BAZ2B: variants seen among roughly 807,000 people sequenced by gnomAD.
BAZ2B encodes bromodomain adjacent to zinc finger domain 2B.
In BAZ2B, 91 loss-of-function variants were observed where a neutral mutation model predicts 246.0. The ratio of observed to expected loss-of-function variants is 0.37; its 90% confidence interval spans 0.31 to 0.44. The LOEUF is 0.44. Ranked by LOEUF, BAZ2B falls within the 20% of genes least tolerant of loss-of-function variation. The probability of loss-of-function intolerance (pLI) is 1.00; values close to 1 mark genes in which losing one functional copy is unlikely to be tolerated. For synonymous variants in BAZ2B, 855 were observed against 860.0 expected (o/e 0.99, Z 0.10); for missense variants, 2,332 against 2,533.7 (o/e 0.92, Z 1.71).
intron 16 of BAZ2B, among the ~76,000 whole-genome samples, chr2:159,403,719 G>T (rs944303840): frequency 1.3e-5 from 2 of 152,110 alleles, no homozygotes; most frequent in Non-Finnish European, 1.5e-5. Context: ...AGTACACTGT[G>T]TAGTTGGATG....
At chr2:159,449,146 T>A (rs892912755) in intron 4 of BAZ2B, among the ~76,000 whole-genome samples, 1 of 152,178 alleles carries the variant, frequency 6.6e-6, no homozygotes, top group Non-Finnish European at 1.5e-5. Flanking sequence ...TGACCAGTGG[T>A]AGAAAATCAT....
At chr2:159,452,409 A>T (rs146524054) in intron 4 of BAZ2B, among the ~76,000 whole-genome samples, 23 of 152,344 alleles carry the variant, frequency 1.5e-4, no homozygotes, top group African/African-American at 5.3e-4. Context: ...AGAACCCTGT[A>T]AGTCAGATAC....
chr2:159,351,934 A>G (rs1317537335), intron 27 of BAZ2B, among the ~76,000 whole-genome samples: 1 of 152,226 alleles, frequency 6.6e-6, no homozygotes, highest in African/African-American at 2.4e-5. Flanking sequence ...AGGGGTAGCC[A>G]TGGTTAATTA....
chr2:159,387,831 A>T, intron 21 of BAZ2B, among the ~76,000 whole-genome samples: 1 of 152,124 alleles, frequency 6.6e-6, no homozygotes, highest in East Asian at 1.9e-4. Context: ...CTATGAGCTT[A>T]TTAAATGTGT....
At chr2:159,706,647 A>C in the BAZ2B span, among the ~76,000 whole-genome samples, 4 of 152,246 alleles carry the variant, frequency 2.6e-5, no homozygotes, top group Admixed American at 2.6e-4. Context: ...GAGGTCAGCA[A>C]ACTTCCTGTA....
At chr2:159,359,918 A>G (rs149983830) in intron 27 of BAZ2B, among the ~76,000 whole-genome samples, 5,450 of 152,320 alleles carry the variant, frequency 0.036, 193 homozygotes, top group African/African-American at 0.096. Flanking sequence ...CTTCATGCTA[A>G]AAACTCCCAA....
intron 1 of BAZ2B, among the ~76,000 whole-genome samples, chr2:159,590,739 G>T (rs1434901422): frequency 2.6e-5 from 4 of 152,166 alleles, no homozygotes; most frequent in African/African-American, 9.7e-5. Flanking sequence ...TAATTGCAAA[G>T]ATGGGGGTGG....
At chr2:159,475,581 G>C (rs969308416) in intron 3 of BAZ2B, among the ~76,000 whole-genome samples, 4 of 152,162 alleles carry the variant, frequency 2.6e-5, no homozygotes, top group African/African-American at 9.7e-5. Flanking sequence ...TCTTCATCCA[G>C]TTTTGTTATC....
At chr2:159,338,757 G>A (rs1486355270) in intron 31 of BAZ2B, among the ~76,000 whole-genome samples, 1 of 152,156 alleles carries the variant, frequency 6.6e-6, no homozygotes, top group Non-Finnish European at 1.5e-5. Context: ...TTCCTGGGAT[G>A]ATATTGCCTG....
At chr2:159,546,964 G>T (rs1351523897) in intron 2 of BAZ2B, among the ~76,000 whole-genome samples, 1 of 152,078 alleles carries the variant, frequency 6.6e-6, no homozygotes, top group Admixed American at 6.5e-5. Flanking sequence ...AGTGCCAAGT[G>T]TCTACGTTTT....
At chr2:159,447,749 C>T (rs1024810535) in intron 5 of BAZ2B, among the ~76,000 whole-genome samples, 1 of 152,110 alleles carries the variant, frequency 6.6e-6, no homozygotes. Flanking sequence ...AATTAAAATA[C>T]TTCTAATCTC....
In BAZ2B at chr2:159,413,224, A is replaced by T. The variant is rs769703886; in HGVS notation, c.2467-679T>A. 3.3e-5 allele frequency among the ~76,000 whole-genome samples: 5 copies of T among 152,344 alleles called. 1 individual carries two copies. The Middle Eastern group carries it at 0.01, about 311-fold the overall frequency. ...TAATTACAATAACTTTAAAAGAAAC[A>T]CGGAAGTATAAGTTAAACTATACGG... On this transcript the variant is annotated intron_variant, in intron 13 of 36. Transcript: ENST00000392783.
rs764661097 is a variant in BAZ2B, at chr2:159,349,157, C to T, written c.4987G>A (p.Gly1663Arg). Residue 1663 changes from glycine to arginine, a missense_variant, in exon 29 of 37, where the codon GGA becomes AGA. Transcript: ENST00000392783. Reference protein sequence around the residue: ...SLGSGLGLSEGNGNSFLTSNV... With the variant: ...SLGSGLGLSERNGNSFLTSNV... ...GAAGTCAAGAATGAATTACCATTTC[C>T]TTCTGATAACCCTAACCCCGATCCT... 3.7e-6 allele frequency: 6 copies of T among 1,614,020 alleles called. No homozygotes were observed. The South Asian group carries it at 6.6e-5, about 18-fold the overall frequency.
chr2:159,536,644 C>A (rs1408614293), intron 2 of BAZ2B, among the ~76,000 whole-genome samples: 2 of 152,032 alleles, frequency 1.3e-5, no homozygotes, highest in African/African-American at 4.8e-5. Flanking sequence ...AAATGAAAGC[C>A]AATGAAGGAA....
chr2:159,391,681 T>C (rs1484151587), intron 20 of BAZ2B, among the ~76,000 whole-genome samples: 2 of 152,082 alleles, frequency 1.3e-5, no homozygotes, highest in Non-Finnish European at 2.9e-5. Flanking sequence ...AAGATAAATA[T>C]GGATTATATT....
chr2:159,365,227 C>T (rs1380124485), intron 27 of BAZ2B, among the ~76,000 whole-genome samples: 8 of 152,050 alleles, frequency 5.3e-5, no homozygotes, highest in Non-Finnish European at 7.4e-5. Context: ...GTTCTAGGCT[C>T]GTTCTTAACC....
At chr2:159,676,952 TTATATATATATATA>T in the BAZ2B span, among the ~76,000 whole-genome samples, 22,505 of 117,814 alleles carry the variant, frequency 0.19, 2,765 homozygotes, top group Admixed American at 0.35. Flanking sequence ...AATAGTTTTG[TTATATATATATATA>T]TATATATATA....
At chr2:159,566,079 T>A (rs796758348) in intron 1 of BAZ2B, among the ~76,000 whole-genome samples, 9 of 152,292 alleles carry the variant, frequency 5.9e-5, no homozygotes, top group African/African-American at 2.2e-4. Flanking sequence ...TGGCTCAATC[T>A]GGGCTCACAG....
intron 2 of BAZ2B, among the ~76,000 whole-genome samples, chr2:159,517,410 C>A (rs374846313): frequency 6.6e-6 from 1 of 151,614 alleles, no homozygotes; most frequent in East Asian, 1.9e-4. Context: ...AACAAAAAAC[C>A]CAACTCCATC....
Sources: gnomAD v4.1 joint callset for allele counts (sites outside exome capture counted in the v4.1 genomes callset) on GRCh38, gnomAD v4.1.1 for gene constraint, MANE v1.5 for transcripts, NCBI Gene and HGNC (gene_info 2026-07-23, HGNC 2026-07-21) for gene names.